SLC38A10: variants seen among roughly 807,000 people sequenced by gnomAD.
SLC38A10 encodes Sodium-coupled neutral amino acid transporter 10.
Under a neutral mutation model 81.0 loss-of-function variants are expected in SLC38A10, and 53 were observed. The ratio of observed to expected loss-of-function variants is 0.65; its 90% CI spans 0.53 to 0.82. SLC38A10 has a LOEUF of 0.82. SLC38A10 is among the 40% of genes least tolerant of loss of function. The pLI is 0.00. For synonymous variants in SLC38A10, 665 were observed against 655.3 expected (o/e 1.01, Z -0.23); for missense variants, 1,471 against 1,545.0 (o/e 0.95, Z 0.80).
rs1403337258 is a variant in SLC38A10, at chr17:81,265,054, GGA to G, written c.1132-4662_1132-4661del. 4.6e-5 allele frequency: 7 copies of G among 152,296 alleles called. No homozygotes were observed. The highest frequency in any genetic ancestry group is 1.0e-4 in the Non-Finnish European group (7 of 68,134). The allele number at this position is 152,296 out of a possible 1,614,324, so 9.4% of individuals were successfully genotyped here. On this transcript the variant is annotated intron_variant, in intron 10 of 15. Coordinates refer to ENST00000374759, the MANE Select transcript of SLC38A10 (RefSeq NM_001037984.3). This position sits in a 1 kb window ranked among gnomAD's most constrained non-coding sequence, Gnocchi z 4.2. ...CAAAGCCCCAGCCTCACTCAGGACTGGAGAGACCCTCAACTTTCTGACTTTCA... is the reference window on the plus strand; with the variant it reads ...CAAAGCCCCAGCCTCACTCAGGACTGGAGACCCTCAACTTTCTGACTTTCA...
At chr17:81,258,886 C>A (rs1567930556) in intron 11 of SLC38A10, among the ~76,000 whole-genome samples, 2 of 152,258 alleles carry the variant, frequency 1.3e-5, no homozygotes, top group Non-Finnish European at 2.9e-5. Context: ...GTGACCCCTA[C>A]TGTCCCCAAG....
In SLC38A10 at chr17:81,245,701, ATG is replaced by A; in HGVS notation, c.3213_3214del (p.Ile1072TrpfsTer3). 2 of 506,640 alleles carry A rather than the reference ATG, an allele frequency of 3.9e-6. 1 individual carries two copies. The highest frequency in any genetic ancestry group is 1.3e-4 in the South Asian group (2 of 15,180). 31.4% of individuals were successfully genotyped at this position (506,640 alleles called of 1,614,324 possible). On this transcript the variant is annotated frameshift_variant, in exon 16 of 16. Transcript: ENST00000374759. LOFTEE classifies it low-confidence loss of function (END_TRUNC). ...GACATCAGGCAGGGGGTTAAGGCCA[ATG>A]ATGACCCCATCCCTCGGGGCCAGCT...
At chr17:81,273,670 G>A (rs1414059829) in intron 8 of SLC38A10, among the ~76,000 whole-genome samples, 2 of 152,180 alleles carry the variant, frequency 1.3e-5, no homozygotes, top group South Asian at 4.2e-4. Flanking sequence ...GAGGTGGGGG[G>A]TTAGGTCCAT....
rs1318328496 is a variant in SLC38A10 at position 81,281,084 on chromosome 17, G to C, written c.502-351C>G. Among the ~76,000 whole-genome samples the C allele has an allele frequency of 6.6e-6, 1 of 152,180 alleles. No homozygotes were observed. Among genetic ancestry groups the C allele is most frequent in the Non-Finnish European group, 1.5e-5 (1 of 68,028 alleles). The stretch of plus-strand genomic sequence containing the variant: ...GTTACAGAGGCTGGTTTCCCACGTG[G>C]GCAGGTCCCTCCCCATCTTGTACTG... On this transcript the variant is annotated intron_variant, in intron 5 of 15. Coordinates refer to ENST00000374759, the MANE Select transcript of SLC38A10 (RefSeq NM_001037984.3). The surrounding 1 kb of genome is among the most constrained non-coding windows in gnomAD (Gnocchi z 5.3).
Position 81,286,130 on chromosome 17 carries a change from A to G in SLC38A10, c.218-1235T>C, listed in dbSNP as rs1466228396. 1.3e-5 allele frequency among the ~76,000 whole-genome samples: 2 copies of G among 152,106 alleles called. No homozygotes were observed. Among genetic ancestry groups the G allele is most frequent in the Non-Finnish European group, 2.9e-5 (2 of 68,018 alleles). On this transcript the variant is annotated intron_variant, in intron 2 of 15. Coordinates refer to ENST00000374759, the MANE Select transcript of SLC38A10 (RefSeq NM_001037984.3). The surrounding 1 kb of genome is among the most constrained non-coding windows in gnomAD (Gnocchi z 6.0). ...CCCAGGGCCCTGCTGTCACCAAGGA[A>G]CGCCCTCCACACCCCTCAGTGACGG...
chr17:81,263,005 G>C (rs1158116506), intron 10 of SLC38A10: 2 of 152,232 alleles, frequency 1.3e-5, no homozygotes, highest in African/African-American at 4.8e-5. Flanking sequence ...GGACCGACGA[G>C]CCTTGGAAAG....
intron 11 of SLC38A10, among the ~76,000 whole-genome samples, chr17:81,258,855 C>T (rs1348252605): frequency 6.6e-6 from 1 of 152,250 alleles, no homozygotes; most frequent in African/African-American, 2.4e-5. Context: ...TGCTTCGGAA[C>T]ACTCCCAGTT....
chr17:81,274,584 G>A (rs2063144653), intron 8 of SLC38A10, among the ~76,000 whole-genome samples: 1 of 152,232 alleles, frequency 6.6e-6, no homozygotes, highest in Admixed American at 6.5e-5. Context: ...ACCGGGCAGA[G>A]CTCCCAAGGG....
rs1056632980 is a variant in SLC38A10, at chr17:81,285,907, C to T, written c.218-1012G>A. Among the ~76,000 whole-genome samples, 4 of 152,204 alleles carry T rather than the reference C, an allele frequency of 2.6e-5. No individual in the cohort carries two copies. In the South Asian group the frequency reaches 8.3e-4, roughly 31 times the overall value. The stretch of plus-strand genomic sequence containing the variant: ...AGCACAGCGTTGCCAAACGCCAGAG[C>T]CCGGGAGCAGCAAAGACCCCACCTC... On this transcript the variant is annotated intron_variant, in intron 2 of 15. Coordinates refer to ENST00000374759, the MANE Select transcript of SLC38A10 (RefSeq NM_001037984.3).
intron 11 of SLC38A10, among the ~76,000 whole-genome samples, chr17:81,259,035 G>C (rs1440785461): frequency 6.6e-6 from 1 of 152,248 alleles, no homozygotes; most frequent in Non-Finnish European, 1.5e-5. Flanking sequence ...GGGGCAGTTT[G>C]TATGAGGTGA....
intron 4 of SLC38A10, among the ~76,000 whole-genome samples, chr17:81,282,745 G>A (rs1264526762): frequency 1.3e-5 from 2 of 152,222 alleles, no homozygotes; most frequent in South Asian, 2.1e-4. Context: ...ACGGAAGGTC[G>A]AATGGGGAGA....
intron 13 of SLC38A10, chr17:81,251,968 AT>A: frequency 1.5e-6 from 1 of 677,368 alleles, no homozygotes; most frequent in Non-Finnish European, 2.3e-6. Context: ...GGCACCTGAC[AT>A]TTAGTGGTCT....
At chr17:81,275,711 G>A (rs1159124490) in intron 8 of SLC38A10, among the ~76,000 whole-genome samples, 1 of 101,496 alleles carries the variant, frequency 9.9e-6, no homozygotes, top group East Asian at 2.2e-4. Context: ...CAGCCTGGGC[G>A]ACAGAGCGAA....
chr17:81,293,830 C>T, intron 1 of SLC38A10, among the ~76,000 whole-genome samples: 1 of 152,212 alleles, frequency 6.6e-6, no homozygotes. Context: ...TACTTGGTAA[C>T]GTTTCAGTCA....
In SLC38A10 at chr17:81,270,524, C is replaced by T. The variant is rs1196693348; in HGVS notation, c.1131+394G>A. Among the ~76,000 whole-genome samples, 1 of 152,134 alleles carries T rather than the reference C, an allele frequency of 6.6e-6. No individual in the cohort carries two copies. On this transcript the variant is annotated intron_variant, in intron 10 of 15. Transcript: ENST00000374759. The surrounding 1 kb of genome is among the most constrained non-coding windows in gnomAD (Gnocchi z 4.0). ...TTAAAGAAAAACCCACAAGCACGCA[C>T]ATCTCCGTGGGAGGGTCGCACCAGG...
At chr17:81,285,206 G>C (rs563323621) in intron 2 of SLC38A10, 1 of 266,966 alleles carries the variant, frequency 3.7e-6, no homozygotes, top group South Asian at 7.8e-5. Context: ...TGACCACTGG[G>C]GGCCGGCTGG....
Position 81,252,658 on chromosome 17 carries a change from G to A in SLC38A10, c.1482C>T (p.Ala494=). The A allele has an allele frequency of 6.2e-7, 1 of 1,607,596 alleles. No individual in the cohort carries two copies. The highest frequency in any genetic ancestry group is 8.5e-7 in the Non-Finnish European group (1 of 1,179,208). ...GAGGAACAGGAGGCTCGTGGCGGTG[G>A]GCCTCGCCCACAGGCACAGCAATCC... ...GQGIAVPVGE[A]HRHEPPVPHD... The change falls in exon 13 of 16, where the codon GCC becomes GCT. Residue 494 remains alanine, a synonymous_variant. Coordinates refer to ENST00000374759, the MANE Select transcript of SLC38A10 (RefSeq NM_001037984.3).
At chr17:81,248,036 C>T (rs2062870465) in intron 14 of SLC38A10, among the ~76,000 whole-genome samples, 1 of 137,960 alleles carries the variant, frequency 7.2e-6, no homozygotes, top group South Asian at 2.5e-4. Flanking sequence ...CAGCTCACTG[C>T]AAGCTCCGCC....
At position 81,282,297 on chromosome 17, in the gene SLC38A10, G is replaced by T; in HGVS notation, c.393C>A (p.Ala131=). The T allele has an allele frequency of 1.2e-6, 2 of 1,613,238 alleles. No homozygotes were observed. Among genetic ancestry groups the T allele is most frequent in the African/African-American group, 1.3e-5 (1 of 75,054 alleles). ...GGTFRMFLLF[A]VSLCIVLPLS... ...GCGGGAGCACGATGCACAGCGACAC[G>T]GCGAACAGCAGGAACATGCGGAAGG... Residue 131 remains alanine, a synonymous_variant, in exon 5 of 16, where the codon GCC becomes GCA. Coordinates refer to ENST00000374759, the MANE Select transcript of SLC38A10 (RefSeq NM_001037984.3).
Sources: gnomAD v4.1 joint callset for allele counts (sites outside exome capture counted in the v4.1 genomes callset) on GRCh38, gnomAD v4.1.1 for gene constraint, Gnocchi (gnomAD v3.1) non-coding constraint, MANE v1.5 for transcripts, NCBI Gene and HGNC (gene_info 2026-07-23, HGNC 2026-07-21) for gene names.